ANK2: variants seen among roughly 807,000 people sequenced by gnomAD.
ANK2 encodes ankyrin 2.
Under a neutral mutation model 360.5 loss-of-function variants are expected in ANK2, and 83 were observed. The ratio of observed to expected loss-of-function variants is 0.23; its 90% CI spans 0.19 to 0.28. The LOEUF (loss-of-function observed/expected upper bound fraction) is 0.28. Ranked by LOEUF, ANK2 falls within the 10% of genes least tolerant of loss-of-function variation. The pLI is 1.00. For missense variants in ANK2, 4,201 were observed against 4,795.7 expected (o/e 0.88, Z 3.66); for synonymous variants, 1,740 against 1,759.5 (o/e 0.99, Z 0.28).
the ANK2 span, among the ~76,000 whole-genome samples, chr4:112,794,797 A>T: frequency 6.6e-6 from 1 of 152,222 alleles, no homozygotes; most frequent in South Asian, 2.1e-4. Flanking sequence ...CTGCCAACAT[A>T]AAAGTTTGGC....
intron 31 of ANK2, among the ~76,000 whole-genome samples, chr4:113,338,497 T>A (rs1200003282): frequency 6.6e-6 from 1 of 151,842 alleles, no homozygotes; most frequent in African/African-American, 2.4e-5. Flanking sequence ...GAAAACAATT[T>A]CATAAAATAT....
intron 1 of ANK2, among the ~76,000 whole-genome samples, chr4:113,088,141 C>T (rs1379368818): frequency 6.6e-6 from 1 of 151,998 alleles, no homozygotes; most frequent in African/African-American, 2.4e-5. Flanking sequence ...ATTGCTGTGT[C>T]CCTTGATGCT....
chr4:112,739,231 G>A, the ANK2 span: 2 of 267,422 alleles, frequency 7.5e-6, no homozygotes, highest in Non-Finnish European at 1.4e-5. Context: ...AGTTAAAATA[G>A]GCAAAAAAGT....
At chr4:112,731,293 CAAAAAAAAA>C in the ANK2 span, among the ~76,000 whole-genome samples, 3 of 65,012 alleles carry the variant, frequency 4.6e-5, no homozygotes, top group African/African-American at 1.9e-4. Context: ...GATGTAGTCT[CAAAAAAAAA>C]AAAAAAAAAA....
At chr4:112,913,578 G>A (rs370222965) in intron 2 of ANK2, among the ~76,000 whole-genome samples, 2 of 152,028 alleles carry the variant, frequency 1.3e-5, no homozygotes, top group South Asian at 2.1e-4. Flanking sequence ...TTAAGTTTTG[G>A]AATCTGTATA....
At chr4:112,847,447 C>T (rs943813441) in intron 1 of ANK2, among the ~76,000 whole-genome samples, 14 of 152,208 alleles carry the variant, frequency 9.2e-5, no homozygotes, top group African/African-American at 3.4e-4. Flanking sequence ...CCTGCTACCA[C>T]TGTCTATGTC....
chr4:112,998,625 T>A (rs981024630), intron 2 of ANK2, among the ~76,000 whole-genome samples: 3 of 152,158 alleles, frequency 2.0e-5, no homozygotes, highest in Non-Finnish European at 2.9e-5. Flanking sequence ...TCATGAGATA[T>A]TAATAGGTGG....
At chr4:113,321,661 T>C (rs950663885) in intron 26 of ANK2, among the ~76,000 whole-genome samples, 2 of 151,998 alleles carry the variant, frequency 1.3e-5, no homozygotes, top group Non-Finnish European at 2.9e-5. Flanking sequence ...CTTTTATTTA[T>C]TTTTTTTGAA....
chr4:113,004,810 T>C (rs2052190831), intron 2 of ANK2, among the ~76,000 whole-genome samples: 1 of 152,228 alleles, frequency 6.6e-6, no homozygotes, highest in Non-Finnish European at 1.5e-5. Flanking sequence ...TGTGCTGTGC[T>C]GTGACATAAT....
Position 113,267,694 on chromosome 4 carries a change from G to C in ANK2, c.1485+2699G>C, listed in dbSNP as rs188858117. Among the ~76,000 whole-genome samples the C allele has an allele frequency of 4.9e-3, 741 of 152,282 alleles. 5 individuals are homozygous for C. Among genetic ancestry groups the C allele is most frequent in the Non-Finnish European group, 9.1e-3 (621 of 68,016 alleles). On this transcript the variant is annotated intron_variant, in intron 14 of 45. Coordinates refer to ENST00000357077, the MANE Select transcript of ANK2 (RefSeq NM_001148.6). ...GAAGTCAGGTAGTGTGATGCCTCCA[G>C]CTTTATTCTTTTTGCTTAGGATTGT...
chr4:113,043,297 G>A (rs894235132), intron 2 of ANK2, among the ~76,000 whole-genome samples: 2 of 152,058 alleles, frequency 1.3e-5, no homozygotes, highest in Non-Finnish European at 1.5e-5. Context: ...GTCCTTCCAG[G>A]TCTTCTATGG....
At chr4:112,749,008 TCGGGCCTCGGC>T in the ANK2 span, among the ~76,000 whole-genome samples, 2 of 152,228 alleles carry the variant, frequency 1.3e-5, no homozygotes. Context: ...CAAGCCATTC[TCGGGCCTCGGC>T]CTCCTGAGTA....
At chr4:113,155,360 G>C (rs563718102) in intron 1 of ANK2, among the ~76,000 whole-genome samples, 58 of 152,274 alleles carry the variant, frequency 3.8e-4, no homozygotes, top group African/African-American at 1.3e-3. Flanking sequence ...CTCATGGCAA[G>C]TGATAGAACC....
At chr4:113,052,071 T>A (rs1225592717) in intron 1 of ANK2, among the ~76,000 whole-genome samples, 1 of 152,228 alleles carries the variant, frequency 6.6e-6, no homozygotes, top group Non-Finnish European at 1.5e-5. Context: ...TGGAAACTTT[T>A]TTATCTCAAA....
rs184917729 is a variant in ANK2 at position 113,191,601 on chromosome 4, A to G, written c.187-4767A>G. On this transcript the variant is annotated intron_variant, in intron 2 of 45. Transcript: ENST00000357077. ...ATCTCATCACATTTAGCCAAATCTT[A>G]GTGATGGAACATTGGCAGGGCTGTG... Among the ~76,000 whole-genome samples the G allele has an allele frequency of 1.5e-3, 228 of 152,350 alleles. 1 individual carries two copies. The highest frequency in any genetic ancestry group is 4.9e-3 in the African/African-American group (203 of 41,586).
chr4:113,128,828 G>A (rs927556948), intron 1 of ANK2, among the ~76,000 whole-genome samples: 1 of 152,150 alleles, frequency 6.6e-6, no homozygotes, highest in Non-Finnish European at 1.5e-5. Flanking sequence ...AAACAAATAC[G>A]TAGAGTTGTA....
At chr4:112,809,383 A>G in the ANK2 span, among the ~76,000 whole-genome samples, 1 of 150,574 alleles carries the variant, frequency 6.6e-6, no homozygotes, top group Non-Finnish European at 1.5e-5. Context: ...AACACGGTGA[A>G]ACCCCGTCTC....
chr4:112,744,670 G>T, the ANK2 span, among the ~76,000 whole-genome samples: 2 of 152,248 alleles, frequency 1.3e-5, no homozygotes, highest in Middle Eastern at 3.4e-3. Flanking sequence ...TTTAAAAGTA[G>T]AATTTCTGGA....
At chr4:112,804,839 G>T in the ANK2 span, among the ~76,000 whole-genome samples, 1 of 151,858 alleles carries the variant, frequency 6.6e-6, no homozygotes, top group Non-Finnish European at 1.5e-5. Flanking sequence ...ACACGCACCT[G>T]TAATACTAGA....
Sources: gnomAD v4.1 joint callset for allele counts (sites outside exome capture counted in the v4.1 genomes callset) on GRCh38, gnomAD v4.1.1 for gene constraint, MANE v1.5 for transcripts, NCBI Gene and HGNC (gene_info 2026-07-23, HGNC 2026-07-21) for gene names.